The following IQSEC1 variants were observed in gnomAD, a reference collection of about 807,000 sequenced individuals.
The protein encoded by IQSEC1 is IQ motif and SEC7 domain-containing protein 1.
In IQSEC1, 31 loss-of-function variants were observed where a neutral mutation model predicts 91.0. That is an observed-to-expected ratio of 0.34 (90% confidence interval 0.26 to 0.46). IQSEC1 has a LOEUF of 0.46. Ranked by LOEUF, IQSEC1 falls within the 20% of genes least tolerant of loss-of-function variation. The pLI is 1.00. For synonymous variants in IQSEC1, 699 were observed against 662.6 expected, an observed-to-expected ratio of 1.05 and a Z score of -0.84; for missense variants, 1,388 against 1,575.6, an observed-to-expected ratio of 0.88 and a Z score of 2.02.
chr3:13,203,821 C>G (rs149405715), intron 1 of IQSEC1, among the ~76,000 whole-genome samples: 125 of 152,368 alleles, frequency 8.2e-4, no homozygotes, highest in African/African-American at 2.9e-3. Context: ...CTCCCTGCTT[C>G]CTCTCATGGT....
chr3:12,920,388 T>C (rs1696511002), intron 6 of IQSEC1, 42 bp downstream of exon 6: 4 of 1,603,938 alleles, frequency 2.5e-6, no homozygotes, highest in Admixed American at 1.7e-5. Context: ...GGGCAGGTGC[T>C]GGAGCAAATC....
chr3:13,089,794 T>C (rs1262140458), intron 2 of IQSEC1, among the ~76,000 whole-genome samples: 1 of 152,220 alleles, frequency 6.6e-6, no homozygotes, highest in Non-Finnish European at 1.5e-5. Context: ...AGGGAGTATG[T>C]GGACGGCTGC....
intron 1 of IQSEC1, among the ~76,000 whole-genome samples, chr3:13,026,620 G>T (rs1239982818): frequency 6.6e-6 from 1 of 152,318 alleles, no homozygotes; most frequent in Non-Finnish European, 1.5e-5. Context: ...CCATGAAGAA[G>T]GCGTATAAAC....
Position 12,900,026 on chromosome 3 carries a change from G to GT in IQSEC1, c.*956dup. On this transcript the variant is annotated 3_prime_UTR_variant, in exon 14 of 14. Coordinates refer to ENST00000613206, the MANE Select transcript of IQSEC1 (RefSeq NM_001134382.3). The stretch of plus-strand genomic sequence containing the variant: ...GCCATTAAAGTGTCTAAGAATCCGT[G>GT]TAACCAATGTCCTAAGACAACCAGC... 2 of 985,390 alleles carry GT rather than the reference G, an allele frequency of 2.0e-6. No individual in the cohort carries two copies. Among genetic ancestry groups the GT allele is most frequent in the Non-Finnish European group, 2.4e-6 (2 of 829,930 alleles). 61.0% of individuals were successfully genotyped at this position (985,390 alleles called of 1,614,324 possible). A position where few individuals can be genotyped will look rare whatever the true frequency, so the allele number is the denominator to read the frequency against.
rs559774529 is a variant in IQSEC1 at position 12,899,299 on chromosome 3, C to G, written c.*1684G>C. On this transcript the variant is annotated 3_prime_UTR_variant, in exon 14 of 14. Transcript: ENST00000613206. ...ACGCTGTCCACTGGGAACGCGGCCC[C>G]GCGGCCCGCAGAGTCAGGCGTGAGC... The G allele has an allele frequency of 1.4e-6, 2 of 1,427,142 alleles. No homozygotes were observed. The highest frequency in any genetic ancestry group is 1.9e-6 in the Non-Finnish European group (2 of 1,032,648). 88.4% of individuals were successfully genotyped at this position (1,427,142 alleles called of 1,614,324 possible). A position where few individuals can be genotyped will look rare whatever the true frequency, so the allele number is the denominator to read the frequency against.
At position 13,221,092 on chromosome 3, in the gene IQSEC1, C is replaced by T. The variant is rs559120492; in HGVS notation, c.273-56959G>A. Among the ~76,000 whole-genome samples the T allele has an allele frequency of 3.9e-5, 6 of 152,260 alleles. No individual in the cohort carries two copies. The East Asian group carries it at 7.7e-4, about 20-fold the overall frequency. On this transcript the variant is annotated intron_variant, in intron 1 of 15. Coordinates refer to the IQSEC1 transcript ENST00000648114. The stretch of plus-strand genomic sequence containing the variant: ...GGCCAGGGCTCATAAGCAGGGCTGT[C>T]GCTGGAAGGACCCTATAGTGTGACA...
chr3:13,205,967 C>T (rs1694336643), intron 1 of IQSEC1, among the ~76,000 whole-genome samples: 1 of 151,232 alleles, frequency 6.6e-6, no homozygotes, highest in Admixed American at 6.6e-5. Context: ...TCCATCCCGC[C>T]ATCCATTCAT....
chr3:13,002,313 C>T (rs1361936191), intron 1 of IQSEC1, among the ~76,000 whole-genome samples: 1 of 152,056 alleles, frequency 6.6e-6, no homozygotes, highest in Non-Finnish European at 1.5e-5. Flanking sequence ...AAAGCATAAG[C>T]AAGAGAATTA....
At chr3:13,030,536 A>C (rs1167415591) in intron 1 of IQSEC1, among the ~76,000 whole-genome samples, 2 of 152,244 alleles carry the variant, frequency 1.3e-5, no homozygotes. Context: ...AGTTAACAGG[A>C]ACTACAGGTG....
chr3:12,976,627 C>T (rs1701188912), intron 1 of IQSEC1, among the ~76,000 whole-genome samples: 1 of 152,230 alleles, frequency 6.6e-6, no homozygotes, highest in South Asian at 2.1e-4. Context: ...TTCTCTCTGT[C>T]TCATCGATTC....
chr3:13,158,166 T>G (rs1707113755), intron 2 of IQSEC1, among the ~76,000 whole-genome samples: 1 of 152,192 alleles, frequency 6.6e-6, no homozygotes, highest in Non-Finnish European at 1.5e-5. Context: ...GGCTCAGCCC[T>G]CAGTCCAGCA....
chr3:13,035,659 C>T (rs1033952871), intron 1 of IQSEC1, among the ~76,000 whole-genome samples: 2 of 152,178 alleles, frequency 1.3e-5, no homozygotes, highest in Non-Finnish European at 2.9e-5. Context: ...TATTTCCAAA[C>T]AGGGCCACAA....
chr3:13,041,559 C>G (rs898521096), intron 1 of IQSEC1, among the ~76,000 whole-genome samples: 1 of 152,134 alleles, frequency 6.6e-6, no homozygotes, highest in Admixed American at 6.6e-5. Flanking sequence ...ACACGCCGTT[C>G]AAGGTGACCA....
intron 1 of IQSEC1, among the ~76,000 whole-genome samples, chr3:12,968,674 C>T (rs1700754392): frequency 6.6e-6 from 1 of 152,212 alleles, no homozygotes; most frequent in South Asian, 2.1e-4. Context: ...AAGGCAGATA[C>T]AGTGCCCAGC....
At chr3:12,920,680 C>T (rs1190208320) in intron 5 of IQSEC1, 84 bp from the exon 6 acceptor site, 19 of 1,419,294 alleles carry the variant, frequency 1.3e-5, no homozygotes, top group South Asian at 2.4e-5. Context: ...TGTCATGTGC[C>T]GCTAAGCCTC....
At chr3:13,206,475 A>C (rs1246363787) in intron 1 of IQSEC1, among the ~76,000 whole-genome samples, 7 of 152,208 alleles carry the variant, frequency 4.6e-5, no homozygotes, top group Non-Finnish European at 5.9e-5. Context: ...AATTAACAAG[A>C]CTGAAAACAC....
chr3:13,159,800 G>C (rs990575753), intron 2 of IQSEC1, among the ~76,000 whole-genome samples: 1 of 152,184 alleles, frequency 6.6e-6, no homozygotes, highest in Non-Finnish European at 1.5e-5. Context: ...GGGGAAAAAA[G>C]ATAATGCTTG....
chr3:13,181,278 CAAACAAACAAA>C (rs1693840745), intron 1 of IQSEC1, among the ~76,000 whole-genome samples: 10 of 16,684 alleles, frequency 6.0e-4, no homozygotes, highest in Non-Finnish European at 1.6e-3. Flanking sequence ...CTCAAACAAA[CAAACAAACAAA>C]CAAACAAACA....
At position 13,125,053 on chromosome 3, in the gene IQSEC1, A is replaced by T. The variant is rs1053649075; in HGVS notation, c.302+39051T>A. The stretch of plus-strand genomic sequence containing the variant: ...CCTTTTAACGCAAAATTCAGACAGC[A>T]CCACCCTTCTGCCTGCAGCAGTGCG... On this transcript the variant is annotated intron_variant, in intron 2 of 15. Coordinates refer to the IQSEC1 transcript ENST00000648114. Among the ~76,000 whole-genome samples, 5 of 152,096 alleles carry T rather than the reference A, an allele frequency of 3.3e-5. No homozygotes were observed. The East Asian group carries it at 9.6e-4, about 29-fold the overall frequency.
Sources: gnomAD v4.1 joint callset for allele counts (sites outside exome capture counted in the v4.1 genomes callset) on GRCh38, gnomAD v4.1.1 for gene constraint, MANE v1.5 for transcripts, NCBI Gene and HGNC (gene_info 2026-07-23, HGNC 2026-07-21) for gene names.